TP63: variants seen among roughly 807,000 people sequenced by gnomAD.
The protein encoded by TP63 is tumor protein 63.
A neutral mutation model predicts 82.8 loss-of-function variants in TP63; 17 were observed. The observed-to-expected ratio is 0.21, with a 90% CI of 0.14 to 0.31. TP63 has a LOEUF of 0.31. TP63 is among the 10% of genes least tolerant of loss of function. The pLI is 1.00. For synonymous variants in TP63, 330 were observed against 321.7 expected (o/e 1.03, Z -0.28); for missense variants, 648 against 895.3 (o/e 0.72, Z 3.52).
chr3:189,845,228 A>G (rs545651505), intron 4 of TP63, among the ~76,000 whole-genome samples: 91 of 152,236 alleles, frequency 6.0e-4, no homozygotes, highest in African/African-American at 1.8e-3. Context: ...TTACCTCTTA[A>G]GTTTTTTGAA....
intron 1 of TP63, among the ~76,000 whole-genome samples, chr3:189,721,704 T>C (rs1719407519): frequency 1.3e-5 from 2 of 152,074 alleles, no homozygotes; most frequent in African/African-American, 2.4e-5. Flanking sequence ...GCGTAAGGAG[T>C]ATCCAGCTGC....
At chr3:189,661,509 A>C (rs1333415275) in intron 1 of TP63, among the ~76,000 whole-genome samples, 1 of 152,100 alleles carries the variant, frequency 6.6e-6, no homozygotes, top group Non-Finnish European at 1.5e-5. Context: ...GTCTATGTTC[A>C]TCAGAGATAT....
At chr3:189,880,393 AT>A (rs1719783694) in intron 10 of TP63, 1 of 1,178,584 alleles carries the variant, frequency 8.5e-7, no homozygotes, top group African/African-American at 1.6e-5. Context: ...TTTTCTGCAG[AT>A]TTTGTATCCT....
In TP63 at chr3:189,740,760, A is replaced by G. The variant is rs149924088; in HGVS notation, c.324+1986A>G. Among the ~76,000 whole-genome samples, 120 of 152,168 alleles carry G rather than the reference A, an allele frequency of 7.9e-4. 2 individuals are homozygous for G. The East Asian group carries it at 0.022, about 28-fold the overall frequency. ...GGTGATCCACTCGCCTTTGCCTCTG[A>G]AAGTGCTGGGATTACAGGCATGAGC... On this transcript the variant is annotated intron_variant, in intron 3 of 13. Transcript: ENST00000264731.
chr3:189,872,495 G>A (rs372779267), intron 9 of TP63, among the ~76,000 whole-genome samples: 3 of 151,650 alleles, frequency 2.0e-5, no homozygotes, highest in Non-Finnish European at 1.5e-5. Flanking sequence ...TAGCACTTCC[G>A]CACTGCCCTT....
chr3:189,879,158 A>G (rs1471208604), intron 10 of TP63, among the ~76,000 whole-genome samples: 1 of 152,182 alleles, frequency 6.6e-6, no homozygotes, highest in African/African-American at 2.4e-5. Context: ...TATTCTGTTA[A>G]GATGATATCA....
At chr3:189,616,463 A>G in the TP63 span, among the ~76,000 whole-genome samples, 1 of 152,234 alleles carries the variant, frequency 6.6e-6, no homozygotes, top group Non-Finnish European at 1.5e-5. Flanking sequence ...ACAAATAATG[A>G]GTCCAACAGA....
chr3:189,662,136 G>T (rs2108655180), intron 1 of TP63, among the ~76,000 whole-genome samples: 1 of 151,932 alleles, frequency 6.6e-6, no homozygotes, highest in Admixed American at 6.6e-5. Flanking sequence ...TGTTTTTATA[G>T]TTCCTTTAGG....
chr3:189,818,034 A>C (rs1333296975), intron 4 of TP63, among the ~76,000 whole-genome samples: 1 of 151,850 alleles, frequency 6.6e-6, no homozygotes, highest in Non-Finnish European at 1.5e-5. Context: ...AGTAATTAGA[A>C]TTTGATAATT....
rs182325253 is a variant in TP63 at position 189,822,849 on chromosome 3, G to A, written c.579+14323G>A. On this transcript the variant is annotated intron_variant, in intron 4 of 13. Coordinates refer to ENST00000264731, the MANE Select transcript of TP63 (RefSeq NM_003722.5). ...ATGTCCCCAAAGGCACAATAACCACGTAAGAAGGGAAGCCACAGGAAGGCA... is the reference window on the plus strand; with the variant it reads ...ATGTCCCCAAAGGCACAATAACCACATAAGAAGGGAAGCCACAGGAAGGCA... Among the ~76,000 whole-genome samples, 57 of 152,220 alleles carry A rather than the reference G, an allele frequency of 3.7e-4. 2 individuals are homozygous for A. Among genetic ancestry groups the A allele is most frequent in the African/African-American group, 1.3e-3 (55 of 41,526 alleles).
chr3:189,833,135 G>A (rs1472990450), intron 4 of TP63, among the ~76,000 whole-genome samples: 1 of 152,132 alleles, frequency 6.6e-6, no homozygotes, highest in African/African-American at 2.4e-5. Flanking sequence ...GTTGAAAAAT[G>A]AGTTTCCATT....
At chr3:189,657,469 A>G (rs182007345) in intron 1 of TP63, among the ~76,000 whole-genome samples, 9 of 152,280 alleles carry the variant, frequency 5.9e-5, no homozygotes, top group Admixed American at 3.3e-4. Flanking sequence ...AAGTAACTTT[A>G]GAAATAAATA....
At chr3:189,844,478 G>T (rs1197048306) in intron 4 of TP63, 9 of 261,226 alleles carry the variant, frequency 3.4e-5, no homozygotes, top group Non-Finnish European at 1.6e-5. Flanking sequence ...TAGAGATGGG[G>T]TTTCACTATG....
At chr3:189,672,327 G>C (rs1055502005) in intron 1 of TP63, among the ~76,000 whole-genome samples, 1 of 152,074 alleles carries the variant, frequency 6.6e-6, no homozygotes, top group Non-Finnish European at 1.5e-5. Context: ...AAGGCTGGGT[G>C]CAGTGGCTGC....
In TP63 at chr3:189,880,723, A is replaced by G. The variant is rs34623470; in HGVS notation, c.1350-5671A>G. 1,085 of 985,462 alleles carry G rather than the reference A, an allele frequency of 1.1e-3. 15 individuals carry two copies. In the African/African-American group the frequency reaches 0.017, roughly 15 times the overall value. 61.0% of individuals were successfully genotyped at this position (985,462 alleles called of 1,614,324 possible). On this transcript the variant is annotated intron_variant, in intron 10 of 13. Coordinates refer to ENST00000264731, the MANE Select transcript of TP63 (RefSeq NM_003722.5). ...GCAAGTAGTAAGAAACGAAGGTGTC[A>G]AGTGTACTGCTGGGCAGCGAGGTGA...
At chr3:189,714,817 T>C (rs1365535772) in intron 1 of TP63, among the ~76,000 whole-genome samples, 1 of 152,142 alleles carries the variant, frequency 6.6e-6, no homozygotes, top group African/African-American at 2.4e-5. Context: ...CACATTCATA[T>C]AAAAAGCATC....
chr3:189,637,338 T>C lies in TP63; in HGVS notation c.62+5761T>C, dbSNP rs76939242. On this transcript the variant is annotated intron_variant, in intron 1 of 13. Transcript: ENST00000264731. ...GCTGTATTGTTCAGTTCTACTATTA[T>C]ATTACGTGTATAGTGTGCCAGTGGA... Among the ~76,000 whole-genome samples, 145 of 152,284 alleles carry C rather than the reference T, an allele frequency of 9.5e-4. 3 individuals are homozygous for C. In the East Asian group the frequency reaches 0.025, roughly 27 times the overall value.
At chr3:189,854,570 T>C (rs888572296) in intron 4 of TP63, among the ~76,000 whole-genome samples, 13 of 152,098 alleles carry the variant, frequency 8.5e-5, no homozygotes, top group African/African-American at 3.1e-4. Flanking sequence ...TATTACAAAT[T>C]CCAGAAAAAA....
chr3:189,663,940 G>A (rs1714155046), intron 1 of TP63, among the ~76,000 whole-genome samples: 1 of 152,044 alleles, frequency 6.6e-6, no homozygotes, highest in South Asian at 2.1e-4. Context: ...AGGTGCCTTG[G>A]ACACAGAAAC....
Sources: gnomAD v4.1 joint callset for allele counts (sites outside exome capture counted in the v4.1 genomes callset) on GRCh38, gnomAD v4.1.1 for gene constraint, MANE v1.5 for transcripts, NCBI Gene and HGNC (gene_info 2026-07-23, HGNC 2026-07-21) for gene names.